DTX1: variants seen among roughly 807,000 people sequenced by gnomAD.
DTX1 encodes the protein E3 ubiquitin-protein ligase DTX1.
DTX1 carries 26 observed loss-of-function variants against 57.8 expected under a neutral mutation model. The observed-to-expected ratio is 0.45, with a 90% CI of 0.33 to 0.62. The LOEUF is 0.62. Among genes scored for constraint, DTX1 ranks in the 20% least tolerant of loss-of-function variants. The pLI, the probability that DTX1 is intolerant of heterozygous loss-of-function variation, is 0.02. For missense variants in DTX1, 704 were observed against 895.3 expected (o/e 0.79, Z 2.73); for synonymous variants, 398 against 394.1 (o/e 1.01, Z -0.12).
intron 3 of DTX1, among the ~76,000 whole-genome samples, chr12:113,083,878 C>T (rs1287120360): frequency 6.6e-6 from 1 of 152,202 alleles, no homozygotes; most frequent in Admixed American, 6.5e-5. Context: ...GACCTTGGAC[C>T]CACTTGAGGC....
At chr12:113,088,584 T>G (rs1950222052) in intron 3 of DTX1, among the ~76,000 whole-genome samples, 1 of 152,256 alleles carries the variant, frequency 6.6e-6, no homozygotes, top group South Asian at 2.1e-4. Flanking sequence ...GTTGTGCACA[T>G]GTACCCTAGA....
At chr12:113,079,367 G>T (rs2044798763) in intron 3 of DTX1, among the ~76,000 whole-genome samples, 1 of 152,092 alleles carries the variant, frequency 6.6e-6, no homozygotes, top group Non-Finnish European at 1.5e-5. Context: ...GACCTTTGGG[G>T]TCACTGCATC....
chr12:113,086,977 A>G (rs1263918729), intron 3 of DTX1, among the ~76,000 whole-genome samples: 1 of 133,690 alleles, frequency 7.5e-6, no homozygotes, highest in South Asian at 2.4e-4. Context: ...AACCACACAC[A>G]CTCCTGTCTG....
intron 2 of DTX1, among the ~76,000 whole-genome samples, chr12:113,063,506 A>G (rs752050039): frequency 2.6e-5 from 4 of 152,194 alleles, no homozygotes; most frequent in Non-Finnish European, 4.4e-5. Context: ...TCTGCCTGGT[A>G]TCTCCCATGT....
At chr12:113,094,167 T>A in intron 6 of DTX1, 68 bp downstream of exon 6, 1 of 1,442,606 alleles carries the variant, frequency 6.9e-7, no homozygotes. Flanking sequence ...TCACCCCTCC[T>A]CCTGGGTTCT....
rs71784082 is a variant in DTX1 at position 113,087,127 on chromosome 12, A to AAG, written c.942-6032_942-6031dup. On this transcript the variant is annotated intron_variant, in intron 3 of 9. Transcript: ENST00000548759. ...GCAGGCTGGAGGACCGGGAGGGTTG[A>AAG]AGAGTGACCCCCGCAGCCCCCATAC... 2.4e-4 allele frequency among the ~76,000 whole-genome samples: 10 copies of AAG among 41,878 alleles called. No individual in the cohort carries two copies. The East Asian group carries it at 3.1e-3, about 13-fold the overall frequency. 27.5% of individuals were successfully genotyped at this position (41,878 alleles called of 152,430 possible). A position where few individuals can be genotyped will look rare whatever the true frequency, so the allele number is the denominator to read the frequency against.
At chr12:113,076,796 A>T (rs924135689) in intron 2 of DTX1, among the ~76,000 whole-genome samples, 3 of 152,232 alleles carry the variant, frequency 2.0e-5, no homozygotes, top group African/African-American at 7.2e-5. Context: ...TTAATGAACT[A>T]AGGCATGAAC....
intron 6 of DTX1, 78 bp from the exon 7 acceptor site, chr12:113,094,711 G>T: frequency 6.5e-7 from 1 of 1,531,374 alleles, no homozygotes; most frequent in South Asian, 1.2e-5. Context: ...TGCCTATGGT[G>T]ACCCACCAAG....
rs36020415 is a variant in DTX1 at position 113,093,760 on chromosome 12, C to G, written c.1165+60C>G. 0.014 allele frequency: 22,217 copies of G among 1,592,356 alleles called. 388 individuals are homozygous for G. The highest frequency in any genetic ancestry group is 0.056 in the South Asian group (5,009 of 88,842). ...ACCCCACTAAGCCTTGACCACAACTCTGTGACCCCTGGTCTCCAACTTATT... is the reference window on the plus strand; with the variant it reads ...ACCCCACTAAGCCTTGACCACAACTGTGTGACCCCTGGTCTCCAACTTATT... On this transcript the variant is annotated intron_variant, in intron 5 of 9. Coordinates refer to ENST00000548759, the MANE Select transcript of DTX1 (RefSeq NM_004416.3). The surrounding 1 kb of genome is among the most constrained non-coding windows in gnomAD (Gnocchi z 4.2).
Position 113,097,112 on chromosome 12 carries a change from C to G in DTX1, c.*173C>G, listed in dbSNP as rs1950311722. 1 of 701,176 alleles carries G rather than the reference C, an allele frequency of 1.4e-6. No individual in the cohort carries two copies. The highest frequency in any genetic ancestry group is 1.8e-5 in the African/African-American group (1 of 55,734). 43.4% of individuals were successfully genotyped at this position (701,176 alleles called of 1,614,324 possible). ...GCTGGGATGAAGAGAGATGGCATGT[C>G]AGGCTGGCCCCGAATCATAGCTCCC... On this transcript the variant is annotated 3_prime_UTR_variant, in exon 10 of 10. Coordinates refer to ENST00000548759, the MANE Select transcript of DTX1 (RefSeq NM_004416.3).
chr12:113,062,362 G>A (rs903902269), intron 2 of DTX1, among the ~76,000 whole-genome samples: 3 of 152,194 alleles, frequency 2.0e-5, no homozygotes, highest in Non-Finnish European at 2.9e-5. Flanking sequence ...AAGTGAATGC[G>A]TGTGGCTGTG....
chr12:113,078,882 G>A (rs2044795193), intron 3 of DTX1, among the ~76,000 whole-genome samples: 1 of 152,184 alleles, frequency 6.6e-6, no homozygotes, highest in East Asian at 1.9e-4. Context: ...AGGGACTCCC[G>A]GGGTGACCTG....
chr12:113,091,211 G>A (rs191633920), intron 3 of DTX1, among the ~76,000 whole-genome samples: 130 of 151,960 alleles, frequency 8.6e-4, no homozygotes, highest in Middle Eastern at 3.4e-3. Flanking sequence ...GTGCTTCTGT[G>A]TGTATGTGTG....
At chr12:113,067,975 G>A (rs1592843799) in intron 2 of DTX1, among the ~76,000 whole-genome samples, 1 of 152,126 alleles carries the variant, frequency 6.6e-6, no homozygotes, top group African/African-American at 2.4e-5. Context: ...GGAGGTGCAG[G>A]CTGCAGTGAG....
Position 113,057,801 on chromosome 12 carries a change from A to G in DTX1, c.-392A>G. On this transcript the variant is annotated 5_prime_UTR_variant, in exon 2 of 10. Coordinates refer to ENST00000548759, the MANE Select transcript of DTX1 (RefSeq NM_004416.3). The stretch of plus-strand genomic sequence containing the variant: ...CTGTGGCCCAGGCCTCCTGGGTGAC[A>G]GGCCCTGTCTGGCGGGGAAGAGGGA... 5.1e-6 allele frequency: 1 copy of G among 195,254 alleles called. No homozygotes were observed. Among genetic ancestry groups the G allele is most frequent in the African/African-American group, 2.3e-5 (1 of 43,028 alleles). The allele number at this position is 195,254 out of a possible 1,614,324, so 12.1% of individuals were successfully genotyped here. A position where few individuals can be genotyped will look rare whatever the true frequency, so the allele number is the denominator to read the frequency against.
chr12:113,093,738 C>T lies in DTX1; in HGVS notation c.1165+38C>T. The T allele has an allele frequency of 6.2e-7, 1 of 1,606,768 alleles. No homozygotes were observed. The highest frequency in any genetic ancestry group is 1.1e-5 in the South Asian group (1 of 90,362). ...CGCCCTGCCTCACACGAGATGAACC[C>T]CACTAAGCCTTGACCACAACTCTGT... On this transcript the variant is annotated intron_variant, in intron 5 of 9. Transcript: ENST00000548759. This position sits in a 1 kb window ranked among gnomAD's most constrained non-coding sequence, Gnocchi z 4.2.
chr12:113,097,122 C>G lies in DTX1; in HGVS notation c.*183C>G, dbSNP rs1370795561. The G allele has an allele frequency of 1.5e-6, 1 of 669,738 alleles. No homozygotes were observed. The highest frequency in any genetic ancestry group is 2.5e-6 in the Non-Finnish European group (1 of 403,962). The allele number at this position is 669,738 out of a possible 1,614,324, so 41.5% of individuals were successfully genotyped here. On this transcript the variant is annotated 3_prime_UTR_variant, in exon 10 of 10. Coordinates refer to ENST00000548759, the MANE Select transcript of DTX1 (RefSeq NM_004416.3). ...AGAGAGATGGCATGTCAGGCTGGCC[C>G]CGAATCATAGCTCCCTGAGAGGGCC...
chr12:113,076,387 G>C (rs2044772204), intron 2 of DTX1, among the ~76,000 whole-genome samples: 1 of 151,734 alleles, frequency 6.6e-6, no homozygotes. Context: ...TGAACCTGGA[G>C]GCGGAGATTG....
At chr12:113,060,600 G>T (rs2044658178) in intron 2 of DTX1, among the ~76,000 whole-genome samples, 2 of 152,220 alleles carry the variant, frequency 1.3e-5, no homozygotes, top group Admixed American at 6.5e-5. Flanking sequence ...GGAAGATGGT[G>T]CAAGATGGCA....
Sources: gnomAD v4.1 joint callset for allele counts (sites outside exome capture counted in the v4.1 genomes callset) on GRCh38, gnomAD v4.1.1 for gene constraint, Gnocchi (gnomAD v3.1) non-coding constraint, MANE v1.5 for transcripts, NCBI Gene and HGNC (gene_info 2026-07-23, HGNC 2026-07-21) for gene names.